Variants in KCNIP2 observed in about 807,000 individuals in gnomAD.
KCNIP2 encodes the protein A-type potassium channel modulatory protein KCNIP2.
Under a neutral mutation model 39.0 loss-of-function variants are expected in KCNIP2, and 19 were observed. The ratio of observed to expected loss-of-function variants is 0.49; its 90% CI spans 0.34 to 0.71. The LOEUF is 0.71. Among genes scored for constraint, KCNIP2 ranks in the 30% least tolerant of loss-of-function variants. The pLI is 0.01. For synonymous variants in KCNIP2, 111 were observed against 131.2 expected (o/e 0.85, Z 1.05); for missense variants, 261 against 346.0 (o/e 0.75, Z 1.95).
At chr10:101,833,201 T>A (rs1158561908) in intron 1 of KCNIP2, among the ~76,000 whole-genome samples, 1 of 151,928 alleles carries the variant, frequency 6.6e-6, no homozygotes, top group African/African-American at 2.4e-5. Flanking sequence ...ACAGCCATGC[T>A]ACGGAGTTAC....
intron 1 of KCNIP2, chr10:101,834,334 G>C (rs1350746371): frequency 2.8e-5 from 11 of 399,214 alleles, no homozygotes; most frequent in African/African-American, 4.1e-5. Flanking sequence ...CGAGGACCAC[G>C]AGCACAGCAA....
Position 101,827,927 on chromosome 10 carries a change from C to T in KCNIP2, c.664G>A (p.Glu222Lys). The T allele has an allele frequency of 1.2e-6, 2 of 1,614,124 alleles. No individual in the cohort carries two copies. The highest frequency in any genetic ancestry group is 1.7e-6 in the Non-Finnish European group (2 of 1,179,982). The change falls in exon 8 of 10, where the codon GAG (glutamate) becomes AAG (lysine). Residue 222 changes from glutamate to lysine, a missense_variant. By Grantham distance (56) the Glu-to-Lys change is moderately conservative. Coordinates refer to ENST00000356640, the MANE Select transcript of KCNIP2 (RefSeq NM_173191.3). ...TCCACGTGTTCCCTTGGGGCCTCCT[C>T]CCGGAGTGCAGGGTACGTGTACTTG... ...MGKYTYPALR[E>K]EAPREHVESF...
chr10:101,828,106 C>T lies in KCNIP2; in HGVS notation c.597+45G>A, dbSNP rs1428730812. 1.9e-6 allele frequency: 3 copies of T among 1,574,460 alleles called. No homozygotes were observed. The highest frequency in any genetic ancestry group is 2.6e-6 in the Non-Finnish European group (3 of 1,144,084). ...CCCTCCCATCACCCTCTGCACGCCA[C>T]CCCCATCACCGCCACAGACCCCCAG... is the stretch of plus-strand genomic sequence containing the variant. On this transcript the variant is annotated intron_variant, in intron 7 of 9. Coordinates refer to ENST00000356640, the MANE Select transcript of KCNIP2 (RefSeq NM_173191.3). This position sits in a 1 kb window ranked among gnomAD's most constrained non-coding sequence, Gnocchi z 6.6.
intron 1 of KCNIP2, among the ~76,000 whole-genome samples, chr10:101,834,541 C>T (rs2066089674): frequency 6.6e-6 from 1 of 152,200 alleles, no homozygotes; most frequent in African/African-American, 2.4e-5. Context: ...CTCTGCCCCA[C>T]AAGCCTCCCA....
chr10:101,835,336 G>A (rs917531983), intron 1 of KCNIP2, among the ~76,000 whole-genome samples: 5 of 152,238 alleles, frequency 3.3e-5, no homozygotes, highest in Admixed American at 2.6e-4. Flanking sequence ...CCCAAGGGAG[G>A]GGGGATAAGA....
Position 101,843,732 on chromosome 10 carries a change from G to A in KCNIP2, c.-164C>T, listed in dbSNP as rs2066402145. 1 of 419,176 alleles carries A rather than the reference G, an allele frequency of 2.4e-6. No individual in the cohort carries two copies. The highest frequency in any genetic ancestry group is 4.2e-6 in the Non-Finnish European group (1 of 237,496). The allele number at this position is 419,176 out of a possible 1,614,324, so 26.0% of individuals were successfully genotyped here. Reference sequence around the variant, plus strand: ...TGGGCCCGGGGTCTGAGGTCTACCCGGAGGTCCTGGAGCAGGAGAGGGAAC... The same window carrying A: ...TGGGCCCGGGGTCTGAGGTCTACCCAGAGGTCCTGGAGCAGGAGAGGGAAC... On this transcript the variant is annotated 5_prime_UTR_variant, in exon 1 of 10. Transcript: ENST00000356640. The surrounding 1 kb of genome is among the most constrained non-coding windows in gnomAD (Gnocchi z 6.7).
Position 101,827,199 on chromosome 10 carries a change from A to G in KCNIP2, c.*154T>C. On this transcript the variant is annotated 3_prime_UTR_variant, in exon 10 of 10. Transcript: ENST00000356640. ...CACTCTCTGGCCCCTTCAGCTCCAG[A>G]GATCTGGACTACTGAATCCCCAAGC... is the stretch of plus-strand genomic sequence containing the variant. 7.5e-7 allele frequency: 1 copy of G among 1,337,130 alleles called. No homozygotes were observed. Among genetic ancestry groups the G allele is most frequent in the Non-Finnish European group, 9.6e-7 (1 of 1,042,312 alleles). 82.8% of individuals were successfully genotyped at this position (1,337,130 alleles called of 1,614,324 possible).
At chr10:101,841,421 T>C (rs4405246) in intron 1 of KCNIP2, among the ~76,000 whole-genome samples, 2 of 152,214 alleles carry the variant, frequency 1.3e-5, no homozygotes, top group African/African-American at 4.8e-5. Flanking sequence ...GGAGTCTTCG[T>C]TGACACTGGC....
Position 101,838,588 on chromosome 10 carries a change from T to G in KCNIP2, c.73+4908A>C, listed in dbSNP as rs2066230835. Among the ~76,000 whole-genome samples the G allele has an allele frequency of 6.6e-6, 1 of 152,204 alleles. No individual in the cohort carries two copies. Among genetic ancestry groups the G allele is most frequent in the South Asian group, 2.1e-4 (1 of 4,826 alleles). On this transcript the variant is annotated intron_variant, in intron 1 of 9. Transcript: ENST00000356640. This position sits in a 1 kb window ranked among gnomAD's most constrained non-coding sequence, Gnocchi z 4.0. ...GGGCTATTTTGGGTCCTGGAAGTCA[T>G]GCCTGCAATGACTGAGAGCTGGCCC...
chr10:101,840,066 G>T lies in KCNIP2; in HGVS notation c.73+3430C>A, dbSNP rs905012146. 1.3e-4 allele frequency among the ~76,000 whole-genome samples: 20 copies of T among 151,778 alleles called. 1 individual carries two copies. Among genetic ancestry groups the T allele is most frequent in the Admixed American group, 8.5e-4 (13 of 15,252 alleles). The stretch of plus-strand genomic sequence containing the variant: ...CCCCAAAGTTCCTGGACGGGGGGGG[G>T]GGGTGGCGGGGAGGGGCGGCGCGGA... On this transcript the variant is annotated intron_variant, in intron 1 of 9. Coordinates refer to ENST00000356640, the MANE Select transcript of KCNIP2 (RefSeq NM_173191.3).
At position 101,829,173 on chromosome 10, in the gene KCNIP2, A is replaced by G. The variant is rs770905334; in HGVS notation, c.250T>C (p.Ser84Pro). ...CCCTCAGGCCGGTGACACACGGTGG[A>G]CAATTCAAATTCATCGTCCACGCTG... is the stretch of plus-strand genomic sequence containing the variant. ...PDSVDDEFEL[S>P]TVCHRPEGLE... Residue 84 changes from serine to proline, a missense_variant, in exon 4 of 10, where the codon TCC (serine) becomes CCC (proline). By Grantham distance (74) the Ser-to-Pro change is moderately conservative (BLOSUM62 -1). Coordinates refer to ENST00000356640, the MANE Select transcript of KCNIP2 (RefSeq NM_173191.3). 6.2e-7 allele frequency: 1 copy of G among 1,614,034 alleles called. No homozygotes were observed. The highest frequency in any genetic ancestry group is 8.5e-7 in the Non-Finnish European group (1 of 1,179,966).
intron 1 of KCNIP2, among the ~76,000 whole-genome samples, chr10:101,837,237 C>G (rs999614778): frequency 2.4e-4 from 37 of 152,254 alleles, no homozygotes; most frequent in Non-Finnish European, 2.5e-4. Flanking sequence ...CCTGTTTTTA[C>G]AGCTGACATG....
At chr10:101,841,442 G>C (rs757175533) in intron 1 of KCNIP2, among the ~76,000 whole-genome samples, 5 of 152,176 alleles carry the variant, frequency 3.3e-5, no homozygotes, top group Non-Finnish European at 5.9e-5. Context: ...GTCCCAACCC[G>C]ATTTGTCTCC....
At position 101,829,919 on chromosome 10, in the gene KCNIP2, C is replaced by G. The variant is rs1219942084; in HGVS notation, c.170-22G>C. 11 of 1,542,596 alleles carry G rather than the reference C, an allele frequency of 7.1e-6. No individual in the cohort carries two copies. The highest frequency in any genetic ancestry group is 9.6e-6 in the Non-Finnish European group (11 of 1,144,788). ...AATGCTGAAGGGAGCGAACTGTCAC[C>G]GAGAAAGCGGAAGACCCGGCCAACT... On this transcript the variant is annotated intron_variant, in intron 2 of 9. Coordinates refer to ENST00000356640, the MANE Select transcript of KCNIP2 (RefSeq NM_173191.3).
rs2065770939 is a variant in KCNIP2, at chr10:101,827,188, T to C, written c.*165A>G. ...TGCACTCTGCCCACTCTCTGGCCCC[T>C]TCAGCTCCAGAGATCTGGACTACTG... is the stretch of plus-strand genomic sequence containing the variant. On this transcript the variant is annotated 3_prime_UTR_variant, in exon 10 of 10. Coordinates refer to ENST00000356640, the MANE Select transcript of KCNIP2 (RefSeq NM_173191.3). 1.5e-6 allele frequency: 2 copies of C among 1,331,968 alleles called. No homozygotes were observed. Among genetic ancestry groups the C allele is most frequent in the Non-Finnish European group, 1.9e-6 (2 of 1,039,318 alleles). 82.5% of individuals were successfully genotyped at this position (1,331,968 alleles called of 1,614,324 possible).
chr10:101,839,704 C>A (rs2066263002), intron 1 of KCNIP2: 1 of 1,563,308 alleles, frequency 6.4e-7, no homozygotes, highest in African/African-American at 1.4e-5. Context: ...TAACCCACTT[C>A]GCTCACTTTT....
At chr10:101,830,032 G>A in intron 2 of KCNIP2, 135 bp from the exon 3 acceptor site, 3 of 998,388 alleles carry the variant, frequency 3.0e-6, no homozygotes, top group East Asian at 2.8e-5. Flanking sequence ...AGACACACAC[G>A]AAACGGACCC....
At chr10:101,832,295 A>AGTGTGTGT (rs2066016340) in intron 1 of KCNIP2, among the ~76,000 whole-genome samples, 1 of 98,664 alleles carries the variant, frequency 1.0e-5, no homozygotes, top group African/African-American at 4.5e-5. Flanking sequence ...CCTCAGTGTT[A>AGTGTGTGT]CTGTGTGTGT....
chr10:101,829,440 G>T, intron 3 of KCNIP2: 1 of 520,888 alleles, frequency 1.9e-6, no homozygotes, highest in Non-Finnish European at 3.3e-6. Flanking sequence ...CCGACTCAGT[G>T]CTCGCCCCGC....
Sources: gnomAD v4.1 joint callset for allele counts (sites outside exome capture counted in the v4.1 genomes callset) on GRCh38, gnomAD v4.1.1 for gene constraint, Gnocchi (gnomAD v3.1) non-coding constraint, MANE v1.5 for transcripts, NCBI Gene and HGNC (gene_info 2026-07-23, HGNC 2026-07-21) for gene names.